TMEM68: variants seen among roughly 807,000 people sequenced by gnomAD.
TMEM68 encodes the protein DGAT1/2-independent enzyme synthesizing storage lipids.
TMEM68 carries 25 observed loss-of-function variants against 36.9 expected under a neutral mutation model. The ratio of observed to expected loss-of-function variants is 0.68; its 90% CI spans 0.49 to 0.95. The LOEUF is 0.95. Among genes scored for constraint, TMEM68 ranks in the 40% least tolerant of loss-of-function variants. The probability of loss-of-function intolerance (pLI) is 0.00; values close to 1 mark genes in which losing one functional copy is unlikely to be tolerated. For synonymous variants in TMEM68, 131 were observed against 124.4 expected (o/e 1.05, Z -0.35); for missense variants, 333 against 392.0 (o/e 0.85, Z 1.27).
intron 4 of TMEM68, among the ~76,000 whole-genome samples, chr8:55,754,627 C>T (rs1217437489): frequency 5.5e-4 from 70 of 127,640 alleles, no homozygotes; most frequent in Non-Finnish European, 8.1e-4. Flanking sequence ...ATATAAAATA[C>T]ATACATTATA....
At chr8:55,746,421 T>C (rs1810281446) in intron 5 of TMEM68, 1 of 151,578 alleles carries the variant, frequency 6.6e-6, no homozygotes, top group Admixed American at 6.6e-5. Context: ...AATGATTCAG[T>C]ATATTTTTAA....
At chr8:55,753,149 A>C (rs1247199555) in intron 4 of TMEM68, among the ~76,000 whole-genome samples, 7 of 152,190 alleles carry the variant, frequency 4.6e-5, no homozygotes, top group Admixed American at 4.6e-4. Flanking sequence ...AAAAGATCAT[A>C]AAGAGGAAAA....
At chr8:55,751,279 G>T in intron 4 of TMEM68, 122 bp from the exon 5 acceptor site, 1 of 874,368 alleles carries the variant, frequency 1.1e-6, no homozygotes, top group Non-Finnish European at 1.7e-6. Flanking sequence ...TTTTTTACTT[G>T]TTAAAATCAA....
At chr8:55,770,715 G>A (rs898004144) in intron 1 of TMEM68, among the ~76,000 whole-genome samples, 4 of 151,996 alleles carry the variant, frequency 2.6e-5, no homozygotes, top group Non-Finnish European at 1.5e-5. Flanking sequence ...AAGATGTTTT[G>A]GGGGAAATAC....
rs577387655 is a variant in TMEM68, at chr8:55,751,257, A to G, written c.494-100T>C. On this transcript the variant is annotated intron_variant, in intron 4 of 7. Transcript: ENST00000434581. Reference sequence around the variant, plus strand: ...ACTACATAGTGTACTATTTATACTTAAATCAGTAAACTTTTTTACTTGTTA... The same window carrying G: ...ACTACATAGTGTACTATTTATACTTGAATCAGTAAACTTTTTTACTTGTTA... 498 of 1,069,330 alleles carry G rather than the reference A, an allele frequency of 4.7e-4. 10 individuals are homozygous for G. In the South Asian group the frequency reaches 7.5e-3, roughly 16 times the overall value. The allele number at this position is 1,069,330 out of a possible 1,614,324, so 66.2% of individuals were successfully genotyped here.
Position 55,743,590 on chromosome 8 carries a change from C to A in TMEM68, c.779G>T (p.Arg260Leu). Residue 260 changes from arginine to leucine, a missense_variant, in exon 7 of 8, where the codon CGC becomes CTC. Transcript: ENST00000434581. Reference protein sequence around the residue: ...RLFRWLYEKFRYPFAPMYGGF... With the variant: ...RLFRWLYEKFLYPFAPMYGGF... ...TCCATACATTGGAGCAAATGGATAG[C>A]GGAATTTTTCATAAAGCCACCTAAA... is the stretch of plus-strand genomic sequence containing the variant. The A allele has an allele frequency of 6.5e-7, 1 of 1,535,008 alleles. No individual in the cohort carries two copies. Among genetic ancestry groups the A allele is most frequent in the East Asian group, 2.4e-5 (1 of 40,890 alleles).
At chr8:55,746,716 AATACAGTG>A (rs1810288868) in intron 5 of TMEM68, 1 of 152,202 alleles carries the variant, frequency 6.6e-6, no homozygotes, top group African/African-American at 2.4e-5. Flanking sequence ...AAAACAGTAA[AATACAGTG>A]GACTAAAGGA....
At chr8:55,758,391 A>G (rs2129988225) in intron 3 of TMEM68, among the ~76,000 whole-genome samples, 1 of 152,364 alleles carries the variant, frequency 6.6e-6, no homozygotes, top group Non-Finnish European at 1.5e-5. Flanking sequence ...TTTTACAAAC[A>G]ATGGCCAGAA....
At chr8:55,765,145 A>C (rs370925605) in intron 1 of TMEM68, among the ~76,000 whole-genome samples, 34 of 152,322 alleles carry the variant, frequency 2.2e-4, no homozygotes, top group African/African-American at 7.9e-4. Flanking sequence ...CAACATAGCA[A>C]CCATCCATCA....
rs1810435821 is a variant in TMEM68 at position 55,751,937 on chromosome 8, G to A, written c.494-780C>T. ...AAAACTACGCAGACTGGTCAGGCAC[G>A]GTGGCTCACGCCTGTAATACCAGCA... On this transcript the variant is annotated intron_variant, in intron 4 of 7. Transcript: ENST00000434581. Among the ~76,000 whole-genome samples, 2 of 152,212 alleles carry A rather than the reference G, an allele frequency of 1.3e-5. 1 individual carries two copies. Among genetic ancestry groups the A allele is most frequent in the Non-Finnish European group, 2.9e-5 (2 of 68,038 alleles).
chr8:55,769,710 G>A (rs1254099549), intron 1 of TMEM68, among the ~76,000 whole-genome samples: 5 of 151,826 alleles, frequency 3.3e-5, no homozygotes, highest in Admixed American at 6.6e-5. Context: ...TCAGCTCACT[G>A]CAACCTCCAC....
chr8:55,741,733 G>A (rs944374735), intron 7 of TMEM68, among the ~76,000 whole-genome samples: 1 of 152,208 alleles, frequency 6.6e-6, no homozygotes, highest in Non-Finnish European at 1.5e-5. Flanking sequence ...GAAAACCACT[G>A]TGTAAGGAAT....
intron 1 of TMEM68, among the ~76,000 whole-genome samples, chr8:55,768,837 C>T (rs926106314): frequency 6.6e-6 from 1 of 150,800 alleles, no homozygotes; most frequent in East Asian, 1.9e-4. Context: ...CAGAGTGAGA[C>T]TCTGCTCAAA....
chr8:55,749,417 C>G (rs1339253261), intron 5 of TMEM68, among the ~76,000 whole-genome samples: 1 of 152,096 alleles, frequency 6.6e-6, no homozygotes, highest in East Asian at 1.9e-4. Context: ...TTTTGTGAGG[C>G]CTATTAAGGG....
chr8:55,740,280 C>A, intron 7 of TMEM68, 62 bp from the exon 8 acceptor site: 1 of 1,193,804 alleles, frequency 8.4e-7, no homozygotes, highest in Middle Eastern at 2.0e-4. Context: ...GATTTATCTC[C>A]CATTACCCCT....
chr8:55,762,102 A>ATTTCTCG (rs1810809877), intron 3 of TMEM68: 1 of 152,346 alleles, frequency 6.6e-6, no homozygotes, highest in Admixed American at 6.5e-5. Context: ...TTTCTCGAGT[A>ATTTCTCG]ATAAAGAAAA....
intron 5 of TMEM68, 160 bp downstream of exon 5, chr8:55,750,804 C>G (rs940086736): frequency 1.5e-6 from 1 of 648,122 alleles, no homozygotes; most frequent in Admixed American, 3.3e-5. Context: ...TCCCAAAGTG[C>G]TGAGATTACA....
intron 3 of TMEM68, among the ~76,000 whole-genome samples, chr8:55,757,620 CA>C (rs764550239): frequency 2.0e-5 from 3 of 152,088 alleles, no homozygotes; most frequent in Non-Finnish European, 4.4e-5. Context: ...AGGGTATATG[CA>C]AAAGGCATGT....
intron 3 of TMEM68, among the ~76,000 whole-genome samples, chr8:55,760,140 T>C (rs1810737561): frequency 6.6e-6 from 1 of 152,258 alleles, no homozygotes; most frequent in African/African-American, 2.4e-5. Context: ...GCCAACAAAT[T>C]TACTTCTTAC....
Sources: allele counts gnomAD v4.1 joint callset (sites outside exome capture counted in the v4.1 genomes callset), GRCh38; gene constraint gnomAD v4.1.1; transcripts MANE v1.5; gene names NCBI Gene and HGNC (gene_info 2026-07-23, HGNC 2026-07-21).